The following CNOT4 variants were observed in gnomAD, a reference collection of about 807,000 sequenced individuals.
CNOT4 encodes the protein CCR4-associated factor 4.
In CNOT4, 8 loss-of-function variants were observed where a neutral mutation model predicts 73.8. The ratio of observed to expected loss-of-function variants is 0.11; its 90% CI spans 0.06 to 0.20. The LOEUF is 0.20. Ranked by LOEUF, CNOT4 falls within the 10% of genes least tolerant of loss-of-function variation. The pLI, the probability that CNOT4 is intolerant of heterozygous loss-of-function variation, is 1.00. For synonymous variants in CNOT4, 293 were observed against 321.1 expected, an observed-to-expected ratio of 0.91 and a Z score of 0.94; for missense variants, 564 against 883.4, an observed-to-expected ratio of 0.64 and a Z score of 4.58.
At chr7:135,434,826 G>A (rs1378999816) in intron 2 of CNOT4, among the ~76,000 whole-genome samples, 1 of 152,100 alleles carries the variant, frequency 6.6e-6, no homozygotes, top group Non-Finnish European at 1.5e-5. Context: ...TATTCCTGGT[G>A]CAGTCTTCCC....
chr7:135,492,926 C>T (rs189104246), intron 1 of CNOT4, among the ~76,000 whole-genome samples: 4 of 152,144 alleles, frequency 2.6e-5, no homozygotes, highest in African/African-American at 9.6e-5. Context: ...TTAAAAGAGA[C>T]TTAGTGTTAG....
Position 135,503,101 on chromosome 7 carries a change from C to T in CNOT4, c.-93+6788G>A, listed in dbSNP as rs1233050809. 2.6e-5 allele frequency among the ~76,000 whole-genome samples: 4 copies of T among 151,892 alleles called. No homozygotes were observed. In the East Asian group the frequency reaches 5.8e-4, roughly 22 times the overall value. On this transcript the variant is annotated intron_variant, in intron 1 of 11. Transcript: ENST00000541284. ...CCAGAAAGCAGAAGTTGCAGTGAGC[C>T]GGGATGGCACCACTGCCACTTTAGC...
At chr7:135,434,524 T>C (rs1053531194) in intron 2 of CNOT4, among the ~76,000 whole-genome samples, 1 of 152,234 alleles carries the variant, frequency 6.6e-6, no homozygotes, top group South Asian at 2.1e-4. Flanking sequence ...GAGGTTGTCT[T>C]AGACCTCTGT....
chr7:135,480,366 T>C (rs956334973), intron 1 of CNOT4, among the ~76,000 whole-genome samples: 3 of 152,352 alleles, frequency 2.0e-5, no homozygotes, highest in South Asian at 4.1e-4. Context: ...TCTCTTTTTA[T>C]ATACCCTTTG....
chr7:135,454,027 T>C (rs2129486018), intron 1 of CNOT4, among the ~76,000 whole-genome samples: 1 of 146,552 alleles, frequency 6.8e-6, no homozygotes, highest in Admixed American at 6.9e-5. Flanking sequence ...CTAGATATGC[T>C]ACCATGCAGC....
At chr7:135,430,039 G>T (rs972000811) in intron 2 of CNOT4, among the ~76,000 whole-genome samples, 7 of 152,176 alleles carry the variant, frequency 4.6e-5, no homozygotes, top group African/African-American at 1.7e-4. Flanking sequence ...GTTTTCATAG[G>T]TGTCTTTCCA....
At chr7:135,382,794 G>A (rs1795921582) in intron 10 of CNOT4, among the ~76,000 whole-genome samples, 2 of 151,866 alleles carry the variant, frequency 1.3e-5, no homozygotes. Context: ...TAAAATATAC[G>A]GCCTCCCATA....
At chr7:135,406,315 C>CA (rs1563029927) in intron 7 of CNOT4, among the ~76,000 whole-genome samples, 1 of 120,524 alleles carries the variant, frequency 8.3e-6, no homozygotes, top group Admixed American at 9.6e-5. Context: ...CCCTCCCCCC[C>CA]AAAAAAAGTT....
At chr7:135,453,826 TTA>T (rs55732572) in intron 1 of CNOT4, among the ~76,000 whole-genome samples, 22,712 of 89,810 alleles carry the variant, frequency 0.25, 2,406 homozygotes, top group East Asian at 0.32. Context: ...TATATATATT[TTA>T]TATATATATA....
intron 7 of CNOT4, among the ~76,000 whole-genome samples, chr7:135,401,578 A>T (rs1797003676): frequency 6.6e-6 from 1 of 152,020 alleles, no homozygotes; most frequent in Non-Finnish European, 1.5e-5. Flanking sequence ...AATGGGAGAG[A>T]TTTTTTTTAA....
intron 1 of CNOT4, among the ~76,000 whole-genome samples, chr7:135,507,157 CAA>C (rs918804382): frequency 6.6e-6 from 1 of 152,170 alleles, no homozygotes; most frequent in Non-Finnish European, 1.5e-5. Context: ...CATTTAGACT[CAA>C]GTTGAAGGGC....
chr7:135,503,456 C>CAAA (rs58546257), intron 1 of CNOT4, among the ~76,000 whole-genome samples: 1 of 133,222 alleles, frequency 7.5e-6, no homozygotes, highest in South Asian at 2.4e-4. Flanking sequence ...GAGACCATCT[C>CAAA]AAAAAAAAAA....
intron 1 of CNOT4, among the ~76,000 whole-genome samples, chr7:135,491,117 G>A (rs1236223314): frequency 6.6e-6 from 1 of 152,210 alleles, no homozygotes; most frequent in African/African-American, 2.4e-5. Context: ...GAGCAGGTTT[G>A]GGAGGGAAAA....
chr7:135,460,464 C>T (rs750394539), intron 1 of CNOT4, among the ~76,000 whole-genome samples: 3 of 152,010 alleles, frequency 2.0e-5, no homozygotes, highest in Non-Finnish European at 2.9e-5. Flanking sequence ...CAGGGAGTAA[C>T]GAGGACCCAG....
chr7:135,459,516 T>C (rs759833618), intron 1 of CNOT4, among the ~76,000 whole-genome samples: 1 of 152,236 alleles, frequency 6.6e-6, no homozygotes. Flanking sequence ...GGATGTACTT[T>C]TACAAGCTGT....
chr7:135,444,758 T>C (rs1418355506), intron 1 of CNOT4: 13 of 1,490,594 alleles, frequency 8.7e-6, no homozygotes, highest in African/African-American at 5.5e-5. Context: ...TCACTCTTCA[T>C]GGTCACTGGG....
At position 135,410,510 on chromosome 7, in the gene CNOT4, C is replaced by G; in HGVS notation, c.821+5G>C. ...AGATGTCTGACTATCAATATCAATACTTACGTATCGTACCTCTGCAGTGGT... is the reference window on the plus strand; with the variant it reads ...AGATGTCTGACTATCAATATCAATAGTTACGTATCGTACCTCTGCAGTGGT... On this transcript the variant is annotated splice_donor_5th_base_variant and intron_variant, in intron 7 of 11. Transcript: ENST00000541284. 1 of 1,498,658 alleles carries G rather than the reference C, an allele frequency of 6.7e-7. No homozygotes were observed. Among genetic ancestry groups the G allele is most frequent in the Non-Finnish European group, 9.0e-7 (1 of 1,113,126 alleles). The allele number at this position is 1,498,658 out of a possible 1,614,324, so 92.8% of individuals were successfully genotyped here.
intron 10 of CNOT4, among the ~76,000 whole-genome samples, chr7:135,366,701 G>A (rs6970845): frequency 0.38 from 57,261 of 152,084 alleles, 11,007 homozygotes; most frequent in South Asian, 0.47. Context: ...TTACAGGGAA[G>A]TAGAATGATG....
Position 135,398,345 on chromosome 7 carries a change from GGT to G in CNOT4, c.822-121_822-120del, listed in dbSNP as rs1796816111. 4 of 628,762 alleles carry G rather than the reference GGT, an allele frequency of 6.4e-6. No homozygotes were observed. In the South Asian group the frequency reaches 7.6e-5, roughly 12 times the overall value. The allele number at this position is 628,762 out of a possible 1,614,324, so 38.9% of individuals were successfully genotyped here. On this transcript the variant is annotated intron_variant, in intron 7 of 11. Coordinates refer to ENST00000541284, the MANE Select transcript of CNOT4 (RefSeq NM_001190850.2). Reference sequence around the variant, plus strand: ...TACCATCTTAACAAATGTTTATTGAGGTACTGGGAAGTAAAACATTGATTAAA... The same window carrying G: ...TACCATCTTAACAAATGTTTATTGAGACTGGGAAGTAAAACATTGATTAAA...
Sources: allele counts gnomAD v4.1 joint callset (sites outside exome capture counted in the v4.1 genomes callset), GRCh38; gene constraint gnomAD v4.1.1; transcripts MANE v1.5; gene names NCBI Gene and HGNC (gene_info 2026-07-23, HGNC 2026-07-21).